Variants in MCC observed in about 807,000 individuals in gnomAD.
MCC encodes the protein MCC regulator of Wnt signaling pathway.
A neutral mutation model predicts 116.2 loss-of-function variants in MCC; 90 were observed. The ratio of observed to expected loss-of-function variants is 0.77; its 90% CI spans 0.65 to 0.92. The LOEUF is 0.92. Ranked by LOEUF, MCC falls within the 40% of genes least tolerant of loss-of-function variation. The pLI is 0.00. For synonymous variants in MCC, 578 were observed against 510.5 expected (o/e 1.13, Z -1.78); for missense variants, 1,516 against 1,312.2 (o/e 1.16, Z -2.40).
chr5:113,360,969 G>C (rs1214443142), intron 2 of MCC, among the ~76,000 whole-genome samples: 1 of 152,128 alleles, frequency 6.6e-6, no homozygotes, highest in Non-Finnish European at 1.5e-5. Context: ...AGTATGTATG[G>C]ACTCAACAAG....
chr5:113,168,386 G>C (rs548488072), intron 3 of MCC, among the ~76,000 whole-genome samples: 45 of 152,254 alleles, frequency 3.0e-4, no homozygotes, highest in African/African-American at 1.0e-3. Context: ...TCAGTTCTTT[G>C]AAACTTTCTG....
intron 1 of MCC, among the ~76,000 whole-genome samples, chr5:113,413,811 T>G (rs975060727): frequency 6.6e-6 from 1 of 152,204 alleles, no homozygotes; most frequent in Non-Finnish European, 1.5e-5. Flanking sequence ...TGGCTTCTGC[T>G]AGCTTTTGAA....
At chr5:113,471,957 C>A (rs929173060) in intron 1 of MCC, among the ~76,000 whole-genome samples, 2 of 152,050 alleles carry the variant, frequency 1.3e-5, no homozygotes, top group Admixed American at 1.3e-4. Flanking sequence ...TGGGACCCTT[C>A]GAGCCAGGTG....
chr5:113,159,229 G>A lies in MCC; in HGVS notation c.628-7807C>T, dbSNP rs575300676. On this transcript the variant is annotated intron_variant, in intron 3 of 18. Coordinates refer to ENST00000408903, the MANE Select transcript of MCC (RefSeq NM_001085377.2). The stretch of plus-strand genomic sequence containing the variant: ...TTTTAAACTTGTAACATGCTTGCCT[G>A]GCATGTTCACCTGTCCAGGCACCTG... Among the ~76,000 whole-genome samples, 13 of 152,194 alleles carry A rather than the reference G, an allele frequency of 8.5e-5. No individual in the cohort carries two copies. In the East Asian group the frequency reaches 2.3e-3, roughly 27 times the overall value.
At chr5:113,466,321 T>A (rs1181228643) in intron 1 of MCC, among the ~76,000 whole-genome samples, 4 of 147,804 alleles carry the variant, frequency 2.7e-5, no homozygotes, top group Non-Finnish European at 4.5e-5. Flanking sequence ...CTCCTAATGC[T>A]ATCCCTCCCC....
chr5:113,275,970 G>GTTTTT (rs34159294), intron 3 of MCC, among the ~76,000 whole-genome samples: 20 of 130,468 alleles, frequency 1.5e-4, no homozygotes, highest in Non-Finnish European at 1.7e-4. Flanking sequence ...CACTTGTTTT[G>GTTTTT]TTTTTTTTTT....
chr5:113,488,385 C>CGCT lies in MCC; in HGVS notation c.29_30insAGC (p.Ala10dup). ...CGCCGCCGCCGCTGCTGGAGCTCCC[C>CGCT]GCAGCCGCTGCCGCCGCGGCCGCCA... On this transcript the variant is annotated inframe_insertion, in exon 1 of 19. Coordinates refer to ENST00000408903, the MANE Select transcript of MCC (RefSeq NM_001085377.2). 1 of 1,426,896 alleles carries CGCT rather than the reference C, an allele frequency of 7.0e-7. No homozygotes were observed. The highest frequency in any genetic ancestry group is 1.6e-5 in the South Asian group (1 of 61,976). 88.4% of individuals were successfully genotyped at this position (1,426,896 alleles called of 1,614,324 possible).
intron 14 of MCC, among the ~76,000 whole-genome samples, chr5:113,061,194 G>A (rs941473622): frequency 6.6e-6 from 1 of 152,164 alleles, no homozygotes; most frequent in Non-Finnish European, 1.5e-5. Flanking sequence ...AGAGGCTCAC[G>A]GCAAGGCTGC....
chr5:113,322,992 C>G (rs1051590570), intron 3 of MCC: 1 of 152,362 alleles, frequency 6.6e-6, no homozygotes, highest in African/African-American at 2.4e-5. Flanking sequence ...GACATTGTAG[C>G]TCTGCCTTGC....
chr5:113,244,913 T>C (rs1179953297), intron 3 of MCC, among the ~76,000 whole-genome samples: 1 of 152,224 alleles, frequency 6.6e-6, no homozygotes, highest in Non-Finnish European at 1.5e-5. Context: ...TTCTCCACTG[T>C]TGTTCAGGCA....
chr5:113,439,111 G>T (rs949462804), intron 1 of MCC, among the ~76,000 whole-genome samples: 1 of 152,172 alleles, frequency 6.6e-6, no homozygotes, highest in East Asian at 1.9e-4. Flanking sequence ...TGAAAACCAG[G>T]TTGAAAATTC....
intron 11 of MCC, among the ~76,000 whole-genome samples, chr5:113,076,642 C>A (rs866371348): frequency 6.6e-6 from 1 of 152,170 alleles, no homozygotes; most frequent in Admixed American, 6.5e-5. Context: ...GCCTGCCTTA[C>A]AAGAGCTCCT....
At chr5:113,215,811 G>A (rs17135454) in intron 3 of MCC, among the ~76,000 whole-genome samples, 15,075 of 152,092 alleles carry the variant, frequency 0.099, 1,237 homozygotes, top group Admixed American at 0.25. Context: ...CCTTCACTAC[G>A]AGAGAGCCTC....
chr5:113,470,485 T>G (rs1309400953), intron 1 of MCC, among the ~76,000 whole-genome samples: 4 of 152,180 alleles, frequency 2.6e-5, no homozygotes, highest in Non-Finnish European at 5.9e-5. Flanking sequence ...AAAATTCTTT[T>G]CTTTAAGAAT....
At chr5:113,461,657 T>A (rs919370604) in intron 1 of MCC, among the ~76,000 whole-genome samples, 5 of 149,618 alleles carry the variant, frequency 3.3e-5, no homozygotes, top group African/African-American at 1.2e-4. Context: ...AGTGACAGAG[T>A]GGGACCATGT....
At chr5:113,465,095 A>ACT (rs902381656) in intron 1 of MCC, among the ~76,000 whole-genome samples, 1 of 146,882 alleles carries the variant, frequency 6.8e-6, no homozygotes, top group Non-Finnish European at 1.5e-5. Context: ...AATAGCCAAG[A>ACT]TTTTTTTTTT....
intron 12 of MCC, among the ~76,000 whole-genome samples, 185 bp from the exon 13 acceptor site, chr5:113,068,368 T>C (rs1159954848): frequency 6.6e-6 from 1 of 152,240 alleles, no homozygotes; most frequent in Non-Finnish European, 1.5e-5. Context: ...TTGGCCTTTT[T>C]ATTTTTAAAC....
intron 3 of MCC, among the ~76,000 whole-genome samples, chr5:113,310,948 TAG>T (rs1481246343): frequency 1.3e-5 from 2 of 152,204 alleles, no homozygotes; most frequent in Non-Finnish European, 1.5e-5. Flanking sequence ...TGTTGGGTAC[TAG>T]AGATATAATA....
At chr5:113,318,322 C>A (rs1200827221) in intron 3 of MCC, among the ~76,000 whole-genome samples, 1 of 152,166 alleles carries the variant, frequency 6.6e-6, no homozygotes, top group African/African-American at 2.4e-5. Context: ...CTAACTAACT[C>A]CAAAGCCTAC....
Sources: gnomAD v4.1 joint callset for allele counts (sites outside exome capture counted in the v4.1 genomes callset) on GRCh38, gnomAD v4.1.1 for gene constraint, MANE v1.5 for transcripts, NCBI Gene and HGNC (gene_info 2026-07-23, HGNC 2026-07-21) for gene names.